Variants in PIAS1 observed in about 807,000 individuals in gnomAD.
The protein encoded by PIAS1 is protein inhibitor of activated STAT 1.
A neutral mutation model predicts 71.3 loss-of-function variants in PIAS1; 6 were observed. The observed-to-expected ratio is 0.08, with a 90% confidence interval of 0.05 to 0.17. The LOEUF (loss-of-function observed/expected upper bound fraction) is 0.17, where lower values mean the gene tolerates loss of function less well. PIAS1 is among the 10% of genes least tolerant of loss of function. The pLI is 1.00. For synonymous variants in PIAS1, 303 were observed against 292.9 expected (o/e 1.03, Z -0.35); for missense variants, 555 against 793.6 (o/e 0.70, Z 3.61).
chr15:68,127,799 A>G (rs915499636), intron 2 of PIAS1, among the ~76,000 whole-genome samples: 2 of 151,886 alleles, frequency 1.3e-5, no homozygotes, highest in East Asian at 1.9e-4. Context: ...GTCTCGCTCT[A>G]TTGCCCAGGC....
chr15:68,176,540 A>G lies in PIAS1; in HGVS notation c.1367A>G (p.Lys456Arg), dbSNP rs1399860722. The G allele has an allele frequency of 6.2e-7, 1 of 1,613,038 alleles. No homozygotes were observed. ...CACCAGTCCTCAAATAAAAACAAGAAAGTAGAAGTGATTGACCTAACCATA... is the reference window on the plus strand; with the variant it reads ...CACCAGTCCTCAAATAAAAACAAGAGAGTAGAAGTGATTGACCTAACCATA... The part of the protein sequence containing the change: ...SHHQSSNKNK[K>R]VEVIDLTIDS... The change falls in exon 11 of 14, where the codon AAA (lysine) becomes AGA (arginine). Residue 456 changes from lysine (K) to arginine (R), a missense_variant. By Grantham distance (26) the Lys-to-Arg change is conservative. This residue lies in a region of PIAS1 where 244 missense variants were observed against 307.5 expected (regional missense o/e 0.79). Transcript: ENST00000249636.
In PIAS1 at chr15:68,191,021, C is replaced by G. The variant is rs951844415; in HGVS notation, c.*3186C>G. 2.7e-4 allele frequency: 41 copies of G among 152,456 alleles called. No homozygotes were observed. The highest frequency in any genetic ancestry group is 5.1e-4 in the Non-Finnish European group (35 of 68,006). 9.4% of individuals were successfully genotyped at this position (152,456 alleles called of 1,614,324 possible). On this transcript the variant is annotated 3_prime_UTR_variant, in exon 14 of 14. Coordinates refer to ENST00000249636, the MANE Select transcript of PIAS1 (RefSeq NM_016166.3). Reference sequence around the variant, plus strand: ...TTCAATTTTAAACACATAAAACTTTCAAGATCTTCAGGACTTTTTAAAGCA... The same window carrying G: ...TTCAATTTTAAACACATAAAACTTTGAAGATCTTCAGGACTTTTTAAAGCA...
rs1293136816 is a variant in PIAS1, at chr15:68,129,793, TTACACA to T, written c.470-12152_470-12147del. ...AAAGCAGATTGCAAAATAATTGTAT[TTACACA>T]CACACACACACACACACACACACAC... is the stretch of plus-strand genomic sequence containing the variant. On this transcript the variant is annotated intron_variant, in intron 2 of 13. Coordinates refer to ENST00000249636, the MANE Select transcript of PIAS1 (RefSeq NM_016166.3). Among the ~76,000 whole-genome samples the T allele has an allele frequency of 3.6e-5, 3 of 84,430 alleles. No homozygotes were observed. In the Admixed American group the frequency reaches 4.7e-4, roughly 13 times the overall value. The allele number at this position is 84,430 out of a possible 152,430, so 55.4% of individuals were successfully genotyped here. A position where few individuals can be genotyped will look rare whatever the true frequency, so the allele number is the denominator to read the frequency against.
intron 2 of PIAS1, among the ~76,000 whole-genome samples, chr15:68,127,851 C>T (rs894868469): frequency 1.3e-5 from 2 of 152,168 alleles, no homozygotes; most frequent in African/African-American, 4.8e-5. Flanking sequence ...CAACCTCCTC[C>T]TGCAGGGTTC....
chr15:68,155,579 C>T (rs1266081361), intron 7 of PIAS1, among the ~76,000 whole-genome samples: 1 of 151,138 alleles, frequency 6.6e-6, no homozygotes, highest in Admixed American at 6.6e-5. Context: ...CAAATATGTT[C>T]TTTGTAAGTC....
intron 7 of PIAS1, among the ~76,000 whole-genome samples, chr15:68,157,922 T>G (rs1195235487): frequency 2.0e-5 from 3 of 152,220 alleles, no homozygotes; most frequent in African/African-American, 7.2e-5. Context: ...ATTTCTCAAA[T>G]GTGCCTTCTG....
At chr15:68,076,503 A>G (rs2140971810) in intron 1 of PIAS1, among the ~76,000 whole-genome samples, 2 of 152,326 alleles carry the variant, frequency 1.3e-5, no homozygotes, top group South Asian at 4.1e-4. Context: ...CTGTCTCAAA[A>G]AAAGAAAGAA....
chr15:68,072,052 G>A (rs970439242), intron 1 of PIAS1, among the ~76,000 whole-genome samples: 3 of 151,778 alleles, frequency 2.0e-5, no homozygotes, highest in East Asian at 3.9e-4. Flanking sequence ...GTATGTTTGC[G>A]GAACAGCTAC....
intron 7 of PIAS1, among the ~76,000 whole-genome samples, chr15:68,160,868 C>T (rs967208552): frequency 6.6e-6 from 1 of 152,150 alleles, no homozygotes; most frequent in South Asian, 2.1e-4. Context: ...TGGTCTAAAA[C>T]TTGAATGCTT....
intron 1 of PIAS1, chr15:68,061,365 G>C (rs1380421524): frequency 6.6e-6 from 1 of 152,140 alleles, no homozygotes; most frequent in Non-Finnish European, 1.5e-5. Context: ...TGCAACTCCT[G>C]TTACTTTTGA....
In PIAS1 at chr15:68,185,505, T is replaced by C. The variant is rs1490149322; in HGVS notation, c.1662+1838T>C. 6.6e-6 allele frequency among the ~76,000 whole-genome samples: 1 copy of C among 152,078 alleles called. No individual in the cohort carries two copies. The highest frequency in any genetic ancestry group is 1.5e-5 in the Non-Finnish European group (1 of 68,018). On this transcript the variant is annotated intron_variant, in intron 13 of 13. Transcript: ENST00000249636. The surrounding 1 kb of genome is among the most constrained non-coding windows in gnomAD (Gnocchi z 4.4). ...GCTCCTAGATGTGGTTCCTGAGGAATTGACTAATGAGCTGTTGGAACTGGA... is the reference window on the plus strand; with the variant it reads ...GCTCCTAGATGTGGTTCCTGAGGAACTGACTAATGAGCTGTTGGAACTGGA...
At chr15:68,081,973 C>T (rs2092233767) in intron 1 of PIAS1, among the ~76,000 whole-genome samples, 1 of 151,288 alleles carries the variant, frequency 6.6e-6, no homozygotes, top group Non-Finnish European at 1.5e-5. Flanking sequence ...AGAGAAGCTG[C>T]TATGATTCCA....
intron 1 of PIAS1, chr15:68,055,135 CCT>C: frequency 1.1e-6 from 1 of 909,806 alleles, no homozygotes; most frequent in Non-Finnish European, 1.3e-6. Flanking sequence ...GATGCAGCTA[CCT>C]CTCTCCCTTC....
intron 2 of PIAS1, among the ~76,000 whole-genome samples, chr15:68,122,993 G>GTT (rs545626666): frequency 9.3e-5 from 13 of 139,172 alleles, no homozygotes; most frequent in African/African-American, 3.4e-4. Context: ...GGTAAAAGCT[G>GTT]TTTTTTTTTT....
intron 6 of PIAS1, among the ~76,000 whole-genome samples, chr15:68,152,478 T>C (rs1364438833): frequency 1.3e-5 from 2 of 152,158 alleles, no homozygotes; most frequent in Non-Finnish European, 2.9e-5. Flanking sequence ...TCCCACCCTT[T>C]CCCTTTGGTT....
At chr15:68,130,973 A>G (rs577866002) in intron 2 of PIAS1, among the ~76,000 whole-genome samples, 1 of 152,294 alleles carries the variant, frequency 6.6e-6, no homozygotes, top group East Asian at 1.9e-4. Flanking sequence ...TATCAAAATA[A>G]TTCTAAGGTT....
At chr15:68,065,914 G>A in intron 1 of PIAS1, among the ~76,000 whole-genome samples, 1 of 32,156 alleles carries the variant, frequency 3.1e-5, no homozygotes, top group Non-Finnish European at 5.6e-5. Flanking sequence ...CTGACTAAAA[G>A]CTTTTTTTTT....
At chr15:68,156,756 G>T (rs2092892851) in intron 7 of PIAS1, among the ~76,000 whole-genome samples, 1 of 150,574 alleles carries the variant, frequency 6.6e-6, no homozygotes, top group African/African-American at 2.4e-5. Context: ...CGCCAAGAAG[G>T]AGGGTGACCA....
intron 2 of PIAS1, among the ~76,000 whole-genome samples, chr15:68,105,426 A>T (rs1245237619): frequency 6.6e-6 from 1 of 151,454 alleles, no homozygotes; most frequent in Non-Finnish European, 1.5e-5. Flanking sequence ...TATGTACATG[A>T]TTTTTTTCTC....
Sources: allele counts gnomAD v4.1 joint callset (sites outside exome capture counted in the v4.1 genomes callset), GRCh38; gene constraint gnomAD v4.1.1; regional missense constraint gnomAD v4.1.1; non-coding constraint Gnocchi (gnomAD v3.1); transcripts MANE v1.5; gene names NCBI Gene and HGNC (gene_info 2026-07-23, HGNC 2026-07-21).